Variants in FRMD3 observed in about 807,000 individuals in gnomAD.
FRMD3 encodes FERM domain-containing protein 3.
In FRMD3, 33 loss-of-function variants were observed where a neutral mutation model predicts 70.2. The observed-to-expected ratio is 0.47, with a 90% CI of 0.36 to 0.63. The LOEUF is 0.63. FRMD3 is among the 20% of genes least tolerant of loss of function. The pLI, the probability that FRMD3 is intolerant of heterozygous loss-of-function variation, is 0.00. For synonymous variants in FRMD3, 279 were observed against 255.9 expected (o/e 1.09, Z -0.86); for missense variants, 632 against 711.4 (o/e 0.89, Z 1.27).
chr9:83,361,908 A>C (rs946708421), intron 3 of FRMD3, among the ~76,000 whole-genome samples: 7 of 152,196 alleles, frequency 4.6e-5, no homozygotes, highest in Non-Finnish European at 5.9e-5. Flanking sequence ...AAAGGCAGGA[A>C]GCATTCTTCC....
intron 1 of FRMD3, among the ~76,000 whole-genome samples, chr9:83,421,019 C>T (rs1826623547): frequency 6.8e-6 from 1 of 146,080 alleles, no homozygotes; most frequent in Non-Finnish European, 1.5e-5. Flanking sequence ...CGGCTCACTG[C>T]AAGCTCCGCC....
chr9:83,300,024 C>T (rs189635325), intron 10 of FRMD3, among the ~76,000 whole-genome samples: 8 of 152,350 alleles, frequency 5.3e-5, no homozygotes, highest in Admixed American at 1.3e-4. Flanking sequence ...GAGAGTTCAG[C>T]ATCGTTTAAA....
intron 1 of FRMD3, among the ~76,000 whole-genome samples, chr9:83,417,506 C>T (rs1375521279): frequency 6.6e-6 from 1 of 152,132 alleles, no homozygotes; most frequent in African/African-American, 2.4e-5. Context: ...CCTATATTTT[C>T]CTATGTTTCC....
intron 3 of FRMD3, among the ~76,000 whole-genome samples, chr9:83,355,416 C>A (rs1450366989): frequency 1.3e-5 from 2 of 152,124 alleles, no homozygotes; most frequent in Admixed American, 6.5e-5. Flanking sequence ...ACATCCTGGC[C>A]CTGTCTAATG....
intron 1 of FRMD3, among the ~76,000 whole-genome samples, chr9:83,502,105 A>C (rs1326721516): frequency 6.6e-6 from 1 of 152,224 alleles, no homozygotes; most frequent in Non-Finnish European, 1.5e-5. Context: ...CCTGGGGTGG[A>C]TCACAAGACT....
intron 1 of FRMD3, among the ~76,000 whole-genome samples, chr9:83,436,081 A>G (rs934954836): frequency 1.3e-5 from 2 of 152,164 alleles, no homozygotes; most frequent in Non-Finnish European, 2.9e-5. Flanking sequence ...AGCCCCACAC[A>G]ACACTGATTC....
intron 2 of FRMD3, among the ~76,000 whole-genome samples, chr9:83,375,886 G>T (rs76171721): frequency 6.6e-6 from 1 of 152,200 alleles, no homozygotes; most frequent in Admixed American, 6.5e-5. Flanking sequence ...AAGACCGGGC[G>T]CAGTGGCTCA....
At chr9:83,484,450 C>T (rs538865875) in intron 1 of FRMD3, among the ~76,000 whole-genome samples, 2 of 152,150 alleles carry the variant, frequency 1.3e-5, no homozygotes, top group Admixed American at 1.3e-4. Context: ...CAGGGTCTCA[C>T]TCTGTCACCC....
intron 3 of FRMD3, among the ~76,000 whole-genome samples, chr9:83,353,115 A>G (rs1824216885): frequency 6.6e-6 from 1 of 151,948 alleles, no homozygotes; most frequent in South Asian, 2.1e-4. Context: ...TTTCTCTCAT[A>G]TCTAGCCAAC....
intron 1 of FRMD3, among the ~76,000 whole-genome samples, chr9:83,504,381 A>AC (rs1220024569): frequency 6.6e-6 from 1 of 152,054 alleles, no homozygotes; most frequent in Non-Finnish European, 1.5e-5. Flanking sequence ...CACAAGACAG[A>AC]CCATGCCATT....
intron 1 of FRMD3, among the ~76,000 whole-genome samples, chr9:83,418,090 C>A: frequency 7.2e-6 from 1 of 138,272 alleles, no homozygotes; most frequent in Admixed American, 8.2e-5. Context: ...CCAGTAAAAT[C>A]GCTGGAGAAG....
Position 83,372,898 on chromosome 9 carries a change from C to G in FRMD3, c.295+15G>C, listed in dbSNP as rs771211840. ...ACACATTGTAGCAAAAGTAAAGTCA[C>G]AGATTGACACTTACTTTTCATTTGC... On this transcript the variant is annotated intron_variant, in intron 3 of 13. Coordinates refer to ENST00000304195, the MANE Select transcript of FRMD3 (RefSeq NM_174938.6). 1 of 1,606,352 alleles carries G rather than the reference C, an allele frequency of 6.2e-7. No homozygotes were observed. Among genetic ancestry groups the G allele is most frequent in the East Asian group, 2.2e-5 (1 of 44,804 alleles).
the FRMD3 span, among the ~76,000 whole-genome samples, chr9:83,575,187 C>A: frequency 6.6e-6 from 1 of 152,090 alleles, no homozygotes; most frequent in Non-Finnish European, 1.5e-5. Context: ...TGAAAGACAT[C>A]CTCTCAAAGA....
At chr9:83,394,246 G>A (rs1825751628) in intron 1 of FRMD3, among the ~76,000 whole-genome samples, 1 of 152,118 alleles carries the variant, frequency 6.6e-6, no homozygotes, top group African/African-American at 2.4e-5. Flanking sequence ...TCCTGGGTAT[G>A]GCAGGATACT....
chr9:83,291,091 GGGCAT>G (rs1360120920), intron 12 of FRMD3, among the ~76,000 whole-genome samples: 6 of 152,254 alleles, frequency 3.9e-5, no homozygotes, highest in African/African-American at 1.4e-4. Context: ...AGTGAATGAA[GGGCAT>G]GGCTCAGAGA....
chr9:83,524,391 T>C (rs1357460198), intron 1 of FRMD3, among the ~76,000 whole-genome samples: 1 of 152,208 alleles, frequency 6.6e-6, no homozygotes, highest in South Asian at 2.1e-4. Flanking sequence ...GGTAAGTTGA[T>C]TGCAATTTTA....
chr9:83,302,738 T>C (rs558300106), intron 10 of FRMD3, among the ~76,000 whole-genome samples: 5 of 152,062 alleles, frequency 3.3e-5, no homozygotes, highest in Non-Finnish European at 5.9e-5. Context: ...ATAAAAGAGC[T>C]CTAACTCCAG....
chr9:83,397,775 G>A (rs1374068159), intron 1 of FRMD3, among the ~76,000 whole-genome samples: 1 of 152,188 alleles, frequency 6.6e-6, no homozygotes, highest in Non-Finnish European at 1.5e-5. Flanking sequence ...ATCTGGGAAA[G>A]AACAGAATTG....
chr9:83,252,412 A>G (rs1166238185), intron 13 of FRMD3, among the ~76,000 whole-genome samples: 4 of 152,222 alleles, frequency 2.6e-5, no homozygotes, highest in African/African-American at 9.7e-5. Context: ...AGCCACTACA[A>G]AAACACACTG....
Sources: gnomAD v4.1 joint callset for allele counts (sites outside exome capture counted in the v4.1 genomes callset) on GRCh38, gnomAD v4.1.1 for gene constraint, MANE v1.5 for transcripts, NCBI Gene and HGNC (gene_info 2026-07-23, HGNC 2026-07-21) for gene names.